KCNT1: variants seen among roughly 807,000 people sequenced by gnomAD.
The protein encoded by KCNT1 is potassium channel subfamily T member 1.
KCNT1 carries 78 observed loss-of-function variants against 147.8 expected under a neutral mutation model. That is an observed-to-expected ratio of 0.53 (90% CI 0.44 to 0.64). KCNT1 has a LOEUF of 0.64. Ranked by LOEUF, KCNT1 falls within the 30% of genes least tolerant of loss-of-function variation. The probability of loss-of-function intolerance (pLI) is 0.00; values close to 1 mark genes in which losing one functional copy is unlikely to be tolerated. For missense variants in KCNT1, 1,419 were observed against 1,750.3 expected (o/e 0.81, Z 3.38); for synonymous variants, 867 against 748.8 (o/e 1.16, Z -2.58).
intron 13 of KCNT1, among the ~76,000 whole-genome samples, 194 bp downstream of exon 13, chr9:135,765,954 C>T (rs1178407099): frequency 3.3e-5 from 5 of 151,596 alleles, no homozygotes; most frequent in Admixed American, 1.3e-4. Flanking sequence ...TAGGGTGGAT[C>T]GTCTGGGGTG....
At position 135,714,872 on chromosome 9, in the gene KCNT1, C is replaced by T. The variant is rs1438316011; in HGVS notation, c.254+152C>T. 4.4e-6 allele frequency: 2 copies of T among 453,198 alleles called. No individual in the cohort carries two copies. The highest frequency in any genetic ancestry group is 6.3e-6 in the Non-Finnish European group (2 of 316,074). The allele number at this position is 453,198 out of a possible 1,614,324, so 28.1% of individuals were successfully genotyped here. On this transcript the variant is annotated intron_variant, in intron 2 of 30. Coordinates refer to ENST00000371757, the MANE Select transcript of KCNT1 (RefSeq NM_020822.3). The surrounding 1 kb of genome is among the most constrained non-coding windows in gnomAD (Gnocchi z 6.2). Reference sequence around the variant, plus strand: ...CCGGCTTCTGGGGACGCAGAAGTTTCGGAGGGGGTGCGGGCAGGGGGAAGC... The same window carrying T: ...CCGGCTTCTGGGGACGCAGAAGTTTTGGAGGGGGTGCGGGCAGGGGGAAGC...
At chr9:135,755,873 G>GAC (rs964182512) in intron 6 of KCNT1, among the ~76,000 whole-genome samples, 48 of 149,442 alleles carry the variant, frequency 3.2e-4, no homozygotes, top group Admixed American at 2.0e-4. Context: ...GAGCACTGAG[G>GAC]ACAGTCCCAG....
At chr9:135,753,752 G>A (rs993579412) in intron 4 of KCNT1, 185 bp from the exon 5 acceptor site, 27 of 630,804 alleles carry the variant, frequency 4.3e-5, no homozygotes, top group African/African-American at 9.0e-5. Context: ...CAGGATCTCC[G>A]CAGTAGGTGG....
chr9:135,773,888 CG>C (rs1832924438), intron 19 of KCNT1, among the ~76,000 whole-genome samples: 1 of 152,070 alleles, frequency 6.6e-6, no homozygotes, highest in Non-Finnish European at 1.5e-5. Context: ...CCCCACCAGC[CG>C]GGGGTGCTGG....
intron 11 of KCNT1, 107 bp from the exon 12 acceptor site, chr9:135,764,924 T>TGCCCC: frequency 1.5e-6 from 2 of 1,308,712 alleles, no homozygotes; most frequent in Non-Finnish European, 2.1e-6. Context: ...CGGCCGGCCC[T>TGCCCC]GCCCCAGGCC....
Position 135,784,843 on chromosome 9 carries a change from C to T in KCNT1, c.3110C>T (p.Pro1037Leu). The T allele has an allele frequency of 1.9e-6, 3 of 1,612,882 alleles. No homozygotes were observed. The highest frequency in any genetic ancestry group is 2.5e-6 in the Non-Finnish European group (3 of 1,180,006). Residue 1037 changes from proline to leucine, a missense_variant, in exon 27 of 31, where the codon CCC (proline) becomes CTC (leucine). Physicochemically the swap from Pro to Leu is moderately conservative, Grantham distance 98. Around this residue, in one of 5 missense-constraint regions of KCNT1, gnomAD observed 306 missense variants for 294.2 expected, o/e 1.04. Transcript: ENST00000371757. ...CTCTGCTCCTCCAGCGCCGAGATCC[C>T]CATTGGCATCTACCGGACAGAGAGC... ...QKLCSSSAEI[P>L]IGIYRTESHV...
intron 2 of KCNT1, among the ~76,000 whole-genome samples, chr9:135,747,517 C>T (rs1161699372): frequency 6.6e-6 from 1 of 152,068 alleles, no homozygotes; most frequent in Non-Finnish European, 1.5e-5. Context: ...CCCAGCGCAG[C>T]CTGGACCTCC....
rs200694691 is a variant in KCNT1 at position 135,784,064 on chromosome 9, G to A, written c.2882G>A (p.Arg961His). 6.2e-7 allele frequency: 1 copy of A among 1,604,852 alleles called. No individual in the cohort carries two copies. The highest frequency in any genetic ancestry group is 8.5e-7 in the Non-Finnish European group (1 of 1,179,856). The change falls in exon 25 of 31, where the codon CGC becomes CAC. Residue 961 changes from arginine to histidine, a missense_variant. Physicochemically the swap from Arg to His is conservative, Grantham distance 29. This residue lies in a region of KCNT1 where 247 missense variants were observed against 397.1 expected (regional missense o/e 0.62). Transcript: ENST00000371757. ...ENGSNLAFMF[R>H]LPFAAGRVFS... The stretch of plus-strand genomic sequence containing the variant: ...GGCTCCAACCTGGCCTTCATGTTCC[G>A]CCTGCCGTTCGCCGCCGGCCGCGTC...
chr9:135,750,294 A>T, intron 3 of KCNT1, 117 bp downstream of exon 3: 1 of 709,682 alleles, frequency 1.4e-6, no homozygotes, highest in Non-Finnish European at 2.4e-6. Flanking sequence ...ATGGGGTGGG[A>T]GCCACCTGAG....
At chr9:135,776,489 A>G (rs1268947018) in intron 20 of KCNT1, among the ~76,000 whole-genome samples, 18 of 150,568 alleles carry the variant, frequency 1.2e-4, no homozygotes, top group Admixed American at 1.2e-3. Context: ...CTAGTCTCGA[A>G]CTCCTGGACT....
intron 2 of KCNT1, among the ~76,000 whole-genome samples, chr9:135,722,500 C>G (rs1453299342): frequency 6.6e-6 from 1 of 152,230 alleles, no homozygotes; most frequent in Non-Finnish European, 1.5e-5. Context: ...CTCCACTGTT[C>G]CGTTTCCATC....
intron 11 of KCNT1, 47 bp from the exon 12 acceptor site, chr9:135,764,984 C>A: frequency 6.4e-7 from 1 of 1,564,518 alleles, no homozygotes; most frequent in South Asian, 1.1e-5. Context: ...CGGGAGCCCT[C>A]GCTCCCCAGG....
At chr9:135,770,769 G>T (rs1832697765) in intron 17 of KCNT1, 88 bp from the exon 18 acceptor site, 1 of 1,267,970 alleles carries the variant, frequency 7.9e-7, no homozygotes, top group African/African-American at 1.5e-5. Context: ...CTCCGGTGGG[G>T]ACTCTGGTGA....
intron 1 of KCNT1, among the ~76,000 whole-genome samples, chr9:135,713,878 C>T (rs1002822233): frequency 2.6e-5 from 4 of 152,206 alleles, no homozygotes; most frequent in Admixed American, 2.0e-4. Context: ...TGGTGTGCCA[C>T]GATGCCCCTA....
intron 2 of KCNT1, among the ~76,000 whole-genome samples, chr9:135,722,330 C>G (rs1210928442): frequency 6.6e-6 from 1 of 152,224 alleles, no homozygotes; most frequent in Non-Finnish European, 1.5e-5. Context: ...GCTTCATCAC[C>G]AAGCCCATGT....
chr9:135,787,620 C>T (rs975983067), intron 29 of KCNT1, among the ~76,000 whole-genome samples: 2 of 152,180 alleles, frequency 1.3e-5, no homozygotes, highest in East Asian at 1.9e-4. Flanking sequence ...GGCTGGCCTG[C>T]GGGCCCGAAG....
chr9:135,761,622 C>T (rs1232833708), intron 11 of KCNT1, among the ~76,000 whole-genome samples: 1 of 152,248 alleles, frequency 6.6e-6, no homozygotes, highest in Non-Finnish European at 1.5e-5. Flanking sequence ...TTGCTACGGG[C>T]CCCCAGCCTC....
rs113201678 is a variant in KCNT1, at chr9:135,770,902, C to A, written c.1815C>A (p.Ser605Arg). 6.2e-7 allele frequency: 1 copy of A among 1,603,506 alleles called. No homozygotes were observed. The highest frequency in any genetic ancestry group is 8.5e-7 in the Non-Finnish European group (1 of 1,174,786). ...GGCTGAAGCGGGAGGACAACAAGAG[C>A]ATCCTGCTGAACCCGGGGCCCCGGC... ...LIGLKREDNK[S>R]ILLNPGPRHI... Residue 605 changes from serine (S) to arginine (R), a missense_variant, in exon 18 of 31, where the codon AGC (serine) becomes AGA (arginine). This residue lies in a region of KCNT1 where 284 missense variants were observed against 292.8 expected (regional missense o/e 0.97). Transcript: ENST00000371757.
intron 16 of KCNT1, 110 bp downstream of exon 16, chr9:135,770,165 G>A (rs1832652440): frequency 7.2e-7 from 1 of 1,383,692 alleles, no homozygotes; most frequent in Non-Finnish European, 9.8e-7. Context: ...AGGGGCACAT[G>A]GCGGGCAAAA....
Sources: gnomAD v4.1 joint callset for allele counts (sites outside exome capture counted in the v4.1 genomes callset) on GRCh38, gnomAD v4.1.1 for gene constraint, gnomAD v4.1.1 regional missense constraint, Gnocchi (gnomAD v3.1) non-coding constraint, MANE v1.5 for transcripts, NCBI Gene and HGNC (gene_info 2026-07-23, HGNC 2026-07-21) for gene names.